ATP13A3: variants seen among roughly 807,000 people sequenced by gnomAD.
The protein encoded by ATP13A3 is ATPase 13A3, also known as polyamine-transporting ATPase 13A3.
In ATP13A3, 59 loss-of-function variants were observed where a neutral mutation model predicts 158.1. The ratio of observed to expected loss-of-function variants is 0.37; its 90% CI spans 0.30 to 0.46. The LOEUF (loss-of-function observed/expected upper bound fraction) is 0.46, where lower values mean the gene tolerates loss of function less well. Among genes scored for constraint, ATP13A3 ranks in the 20% least tolerant of loss-of-function variants. ATP13A3 has a pLI of 1.00. For missense variants in ATP13A3, 1,166 were observed against 1,525.2 expected (o/e 0.76, Z 3.92); for synonymous variants, 491 against 504.3 (o/e 0.97, Z 0.35).
At chr3:194,447,225 T>C in intron 13 of ATP13A3, 110 bp from the exon 14 acceptor site, 1 of 890,988 alleles carries the variant, frequency 1.1e-6, no homozygotes, top group Non-Finnish European at 1.7e-6. Flanking sequence ...ATATTTCAAT[T>C]TTATGTATGT....
Position 194,433,765 on chromosome 3 carries a change from G to T in ATP13A3, c.2245+7C>A. 6.2e-7 allele frequency: 1 copy of T among 1,613,810 alleles called. No homozygotes were observed. Among genetic ancestry groups the T allele is most frequent in the Non-Finnish European group, 8.5e-7 (1 of 1,179,892 alleles). On this transcript the variant is annotated splice_region_variant and intron_variant, in intron 21 of 33. Coordinates refer to ENST00000645319, the MANE Select transcript of ATP13A3 (RefSeq NM_001367549.1). ...ATTTGCTTCTGTGTTCTTTTATAAA[G>T]TCTAACCTGTGACCATGACGGTGCG...
chr3:194,432,320 A>G lies in ATP13A3; in HGVS notation c.2246-428T>C, dbSNP rs185113687. Among the ~76,000 whole-genome samples, 286 of 152,348 alleles carry G rather than the reference A, an allele frequency of 1.9e-3. 1 individual carries two copies. The highest frequency in any genetic ancestry group is 6.6e-3 in the African/African-American group (274 of 41,576). On this transcript the variant is annotated intron_variant, in intron 21 of 33. Transcript: ENST00000645319. Reference sequence around the variant, plus strand: ...AATGATGAATTACAAAAGCAAGATCATACAAAACAAAAAGGTAAGACAGGT... The same window carrying G: ...AATGATGAATTACAAAAGCAAGATCGTACAAAACAAAAAGGTAAGACAGGT...
At chr3:194,470,285 C>T (rs1002407275) in intron 2 of ATP13A3, among the ~76,000 whole-genome samples, 3 of 152,108 alleles carry the variant, frequency 2.0e-5, no homozygotes, top group Admixed American at 6.5e-5. Context: ...TATAATTATA[C>T]TTTTTTGTAT....
At chr3:194,416,096 A>G (rs1715830797) in intron 31 of ATP13A3, among the ~76,000 whole-genome samples, 1 of 152,232 alleles carries the variant, frequency 6.6e-6, no homozygotes, top group Non-Finnish European at 1.5e-5. Flanking sequence ...ATATTTGAAT[A>G]CTGATCAGCT....
chr3:194,442,909 G>C (rs763769005), intron 15 of ATP13A3, among the ~76,000 whole-genome samples: 1 of 152,122 alleles, frequency 6.6e-6, no homozygotes, highest in Non-Finnish European at 1.5e-5. Flanking sequence ...CAGCTTCATA[G>C]TATTGAGAGA....
intron 33 of ATP13A3, among the ~76,000 whole-genome samples, chr3:194,406,450 C>A (rs772001304): frequency 6.6e-6 from 1 of 152,126 alleles, no homozygotes; most frequent in Middle Eastern, 3.4e-3. Flanking sequence ...ACTGATTATT[C>A]TTTAGATTAT....
chr3:194,475,438 A>C (rs1204624647), intron 2 of ATP13A3, among the ~76,000 whole-genome samples: 1 of 152,200 alleles, frequency 6.6e-6, no homozygotes, highest in African/African-American at 2.4e-5. Context: ...CAAATGTATA[A>C]ATGTAACTCA....
At chr3:194,469,140 CA>C (rs1720174716) in intron 2 of ATP13A3, among the ~76,000 whole-genome samples, 2 of 137,894 alleles carry the variant, frequency 1.5e-5, no homozygotes, top group African/African-American at 5.7e-5. Context: ...CACACACACA[CA>C]CCAAAAAAAA....
intron 10 of ATP13A3, chr3:194,450,605 T>C (rs571241419): frequency 4.4e-6 from 1 of 225,368 alleles, no homozygotes; most frequent in South Asian, 7.7e-5. Context: ...ACACAATGAG[T>C]CCACAAAGGA....
chr3:194,428,792 TCA>T, intron 28 of ATP13A3, 51 bp downstream of exon 28: 2 of 1,315,810 alleles, frequency 1.5e-6, no homozygotes, highest in Non-Finnish European at 1.1e-6. Context: ...ATTTAATAAG[TCA>T]CATCAGAATT....
intron 2 of ATP13A3, among the ~76,000 whole-genome samples, chr3:194,463,393 G>A (rs1719794368): frequency 6.7e-6 from 1 of 149,778 alleles, no homozygotes; most frequent in Non-Finnish European, 1.5e-5. Flanking sequence ...TGTTTTTTTA[G>A]AAAATATCTT....
chr3:194,441,400 A>G lies in ATP13A3; in HGVS notation c.1621T>C (p.Cys541Arg). ...EMLVKSQFVA[C>R]MATCHSLTKI... ...GTAAGTGAATGACAAGTAGCCATAC[A>G]AGCAACAAACTGGGATTTTACCAAC... Residue 541 changes from cysteine to arginine, a missense_variant, in exon 16 of 34, where the codon TGT becomes CGT. Around this residue, in one of 3 missense-constraint regions of ATP13A3, gnomAD observed 997 missense variants for 1,341.2 expected, o/e 0.74. Coordinates refer to ENST00000645319, the MANE Select transcript of ATP13A3 (RefSeq NM_001367549.1). 1.2e-6 allele frequency: 2 copies of G among 1,613,646 alleles called. No homozygotes were observed. Among genetic ancestry groups the G allele is most frequent in the Non-Finnish European group, 1.7e-6 (2 of 1,179,598 alleles).
intron 31 of ATP13A3, among the ~76,000 whole-genome samples, chr3:194,415,661 CTTTTTTTTTTT>C (rs751005733): frequency 1.4e-4 from 13 of 90,928 alleles, no homozygotes; most frequent in Admixed American, 4.7e-4. Flanking sequence ...ATACCACATT[CTTTTTTTTTTT>C]TTTTTTTTTT....
chr3:194,454,728 C>T (rs1383602265), intron 8 of ATP13A3, among the ~76,000 whole-genome samples: 5 of 151,802 alleles, frequency 3.3e-5, no homozygotes, highest in African/African-American at 1.2e-4. Flanking sequence ...ACTCAGGAGG[C>T]CGAAGCAGGA....
chr3:194,423,096 C>T (rs546948070), intron 30 of ATP13A3, among the ~76,000 whole-genome samples: 4 of 152,108 alleles, frequency 2.6e-5, no homozygotes, highest in Admixed American at 1.3e-4. Flanking sequence ...GAAGCCAAAT[C>T]CCAAGAAATC....
chr3:194,473,878 T>C (rs1017778121), intron 2 of ATP13A3, among the ~76,000 whole-genome samples: 4 of 152,144 alleles, frequency 2.6e-5, no homozygotes, highest in African/African-American at 9.7e-5. Context: ...ATGTAATATA[T>C]AAAAACAGGA....
intron 31 of ATP13A3, 64 bp from the exon 32 acceptor site, chr3:194,413,903 C>A: frequency 7.3e-7 from 1 of 1,373,680 alleles, no homozygotes; most frequent in South Asian, 1.2e-5. Context: ...AGCACTGTAT[C>A]ATAATTTCTA....
chr3:194,492,031 G>T lies in ATP13A3; in HGVS notation n.746+2019C>A, dbSNP rs1721152919. Reference sequence around the variant, plus strand: ...ACTTCAAGCAGAGCTGCTGATAAAAGCTTTCACTTGCTTCCCACCTCACTT... The same window carrying T: ...ACTTCAAGCAGAGCTGCTGATAAAATCTTTCACTTGCTTCCCACCTCACTT... On this transcript the variant is annotated intron_variant and non_coding_transcript_variant, in intron 2 of 32. Transcript: ENST00000687055. 2.0e-5 allele frequency among the ~76,000 whole-genome samples: 3 copies of T among 152,212 alleles called. No homozygotes were observed. In the South Asian group the frequency reaches 6.2e-4, roughly 32 times the overall value.
Position 194,459,889 on chromosome 3 carries a change from G to A in ATP13A3, c.308C>T (p.Ser103Phe). Residue 103 changes from serine to phenylalanine, a missense_variant, in exon 5 of 34, where the codon TCT becomes TTT. Ser to Phe is a radical substitution (Grantham distance 155). Coordinates refer to ENST00000645319, the MANE Select transcript of ATP13A3 (RefSeq NM_001367549.1). ...TGCATGGCCATTTGAAAGCTTATTAGACATAGATTTTGGACTTGAAACTGG... is the reference window on the plus strand; with the variant it reads ...TGCATGGCCATTTGAAAGCTTATTAAACATAGATTTTGGACTTGAAACTGG... ...TYPVSSPKSMSNKLSNGHAVC... is the reference protein window; with the variant it reads ...TYPVSSPKSMFNKLSNGHAVC... The A allele has an allele frequency of 6.2e-7, 1 of 1,613,316 alleles. No homozygotes were observed. The highest frequency in any genetic ancestry group is 1.1e-5 in the South Asian group (1 of 91,012).
Sources: gnomAD v4.1 joint callset for allele counts (sites outside exome capture counted in the v4.1 genomes callset) on GRCh38, gnomAD v4.1.1 for gene constraint, gnomAD v4.1.1 regional missense constraint, MANE v1.5 for transcripts, NCBI Gene and HGNC (gene_info 2026-07-23, HGNC 2026-07-21) for gene names.